PARP1: variants seen among roughly 807,000 people sequenced by gnomAD.
PARP1 encodes the protein poly [ADP-ribose] polymerase 1.
PARP1 carries 44 observed loss-of-function variants against 118.7 expected under a neutral mutation model. That is an observed-to-expected ratio of 0.37 (90% confidence interval 0.29 to 0.48). PARP1 has a LOEUF of 0.48. PARP1 is among the 20% of genes least tolerant of loss of function. The pLI is 0.99. For synonymous variants in PARP1, 492 were observed against 483.2 expected (o/e 1.02, Z -0.24); for missense variants, 1,100 against 1,272.4 (o/e 0.86, Z 2.06).
intron 1 of PARP1, 134 bp downstream of exon 1, chr1:226,407,676 C>T: frequency 1.2e-6 from 1 of 816,784 alleles, no homozygotes; most frequent in Non-Finnish European, 1.7e-6. Context: ...GCGGCCGCGG[C>T]CCCATAGGCC....
Position 226,379,600 on chromosome 1 carries a change from CT to C in PARP1, c.1584del (p.Gly529GlufsTer67). The C allele has an allele frequency of 6.2e-7, 1 of 1,613,388 alleles. No individual in the cohort carries two copies. The highest frequency in any genetic ancestry group is 8.5e-7 in the Non-Finnish European group (1 of 1,179,588). On this transcript the variant is annotated frameshift_variant, in exon 11 of 23. Transcript: ENST00000366794. LOFTEE classifies it high-confidence loss of function. ...KSEKRMKLTLKGGAAVDPDSG... is the reference protein window; with the variant it reads ...KSEKRMKLTLXGGAAVDPDSG... ...GAATCAGGATCCACAGCTGCTCCTC[CT>C]TTAAGAGTTAATTTCATTCTCTTTT...
intron 3 of PARP1, among the ~76,000 whole-genome samples, chr1:226,391,889 T>C (rs1664826299): frequency 6.6e-6 from 1 of 152,152 alleles, no homozygotes; most frequent in Middle Eastern, 3.2e-3. Context: ...TCCTTATACC[T>C]AATTCTACCA....
chr1:226,407,681 T>TA, intron 1 of PARP1, 129 bp downstream of exon 1: 1 of 899,656 alleles, frequency 1.1e-6, no homozygotes, highest in East Asian at 4.6e-5. Context: ...CGCGGCCCCA[T>TA]AGGCCCCAAG....
rs144361550 is a variant in PARP1, at chr1:226,407,702, A to AGGGCCC, written c.120+102_120+107dup. The AGGGCCC allele has an allele frequency of 0.24, 232,676 of 953,524 alleles. 38,798 individuals carry two copies. The highest frequency in any genetic ancestry group is 0.67 in the East Asian group (10,101 of 15,106). 59.1% of individuals were successfully genotyped at this position (953,524 alleles called of 1,614,324 possible). A position where few individuals can be genotyped will look rare whatever the true frequency, so the allele number is the denominator to read the frequency against. On this transcript the variant is annotated intron_variant, in intron 1 of 22. Transcript: ENST00000366794. Reference sequence around the variant, plus strand: ...CCCATAGGCCCCAAGTGCCGCTCCGAGGGCCCGGGCCCGCTCGCTCCCTGG... The same window carrying AGGGCCC: ...CCCATAGGCCCCAAGTGCCGCTCCGAGGGCCCGGGCCCGGGCCCGCTCGCTCCCTGG...
intron 6 of PARP1, 32 bp downstream of exon 6, chr1:226,386,294 T>A: frequency 7.4e-7 from 1 of 1,349,034 alleles, no homozygotes; most frequent in Non-Finnish European, 1.1e-6. Context: ...CGGCCTCACA[T>A]GCGTGTCCCA....
chr1:226,381,268 G>A (rs954585903), intron 8 of PARP1, 60 bp from the exon 9 acceptor site: 13 of 1,601,272 alleles, frequency 8.1e-6, no homozygotes, highest in Non-Finnish European at 8.6e-6. Context: ...CCCCAGTAAG[G>A]GGAGGTGGAG....
In PARP1 at chr1:226,379,247, T is replaced by A. The variant is rs766309591; in HGVS notation, c.1640A>T (p.Glu547Val). Residue 547 changes from glutamate (E) to valine (V), a missense_variant, in exon 12 of 23, where the codon GAG (glutamate) becomes GTG (valine). This residue lies in a region of PARP1 where 948 missense variants were observed against 1,031.8 expected (regional missense o/e 0.92). Coordinates refer to ENST00000366794, the MANE Select transcript of PARP1 (RefSeq NM_001618.4). ...GGCACTGAAGACCTTCCCACCTTTC[T>A]CCAGGACATGCGCAGAGTGTTCCAG... Reference protein sequence around the residue: ...SGLEHSAHVLEKGGKVFSATL... With the variant: ...SGLEHSAHVLVKGGKVFSATL... 6.8e-6 allele frequency: 11 copies of A among 1,614,256 alleles called. No homozygotes were observed. The South Asian group carries it at 1.2e-4, about 18-fold the overall frequency.
chr1:226,398,507 G>T (rs568874127), intron 2 of PARP1, among the ~76,000 whole-genome samples: 1 of 148,808 alleles, frequency 6.7e-6, no homozygotes, highest in Non-Finnish European at 1.5e-5. Flanking sequence ...TCTAGCCTGG[G>T]CGACGGAGCA....
chr1:226,361,908 A>T, intron 22 of PARP1, 61 bp downstream of exon 22: 1 of 1,003,218 alleles, frequency 1.0e-6, no homozygotes, highest in South Asian at 1.3e-5. Context: ...ACAGCACATA[A>T]GTGACTCTGT....
chr1:226,367,619 A>G lies in PARP1; in HGVS notation c.2278-11T>C. On this transcript the variant is annotated splice_polypyrimidine_tract_variant and intron_variant, in intron 16 of 22. Transcript: ENST00000366794. Reference sequence around the variant, plus strand: ...CATTTCCACCTTGGCCTGGAGGAGCAAAAGAAAGCCCCCGACTTAGGTATC... The same window carrying G: ...CATTTCCACCTTGGCCTGGAGGAGCGAAAGAAAGCCCCCGACTTAGGTATC... 1 of 1,613,982 alleles carries G rather than the reference A, an allele frequency of 6.2e-7. No individual in the cohort carries two copies.
intron 2 of PARP1, among the ~76,000 whole-genome samples, chr1:226,399,292 G>A (rs961576954): frequency 5.3e-5 from 8 of 151,854 alleles, no homozygotes; most frequent in Admixed American, 1.3e-4. Flanking sequence ...GGCTGGTCTC[G>A]AACTCCTGAC....
At chr1:226,376,065 G>C (rs576667954) in intron 13 of PARP1, among the ~76,000 whole-genome samples, 1 of 152,268 alleles carries the variant, frequency 6.6e-6, no homozygotes, top group Non-Finnish European at 1.5e-5. Flanking sequence ...AAAGTCTACT[G>C]TCTGAGCCTC....
At chr1:226,379,371 G>C in intron 11 of PARP1, 97 bp from the exon 12 acceptor site, 1 of 1,486,104 alleles carries the variant, frequency 6.7e-7, no homozygotes. Context: ...CACGCCTCTT[G>C]GATACACTAC....
chr1:226,381,056 G>T lies in PARP1; in HGVS notation c.1300+12C>A, dbSNP rs1405734779. ...GCATTGTCCCTGTTGCACAAATTCA[G>T]ATTCAACTCACTTTTGGTGCTGATG... On this transcript the variant is annotated intron_variant, in intron 9 of 22. Transcript: ENST00000366794. 1.9e-6 allele frequency: 3 copies of T among 1,613,996 alleles called. No homozygotes were observed. The highest frequency in any genetic ancestry group is 1.1e-5 in the South Asian group (1 of 91,082).
rs551031847 is a variant in PARP1, at chr1:226,361,641, A to G, written c.2964-100T>C. On this transcript the variant is annotated intron_variant, in intron 22 of 22. Coordinates refer to ENST00000366794, the MANE Select transcript of PARP1 (RefSeq NM_001618.4). ...TGGCAGGACGCTCAGTGCCAGCCTGAAAGTCACTCTAAGGCCTCTTCATGG... is the reference window on the plus strand; with the variant it reads ...TGGCAGGACGCTCAGTGCCAGCCTGGAAGTCACTCTAAGGCCTCTTCATGG... 9.0e-6 allele frequency: 8 copies of G among 885,196 alleles called. No individual in the cohort carries two copies. In the East Asian group the frequency reaches 2.0e-4, roughly 22 times the overall value. The allele number at this position is 885,196 out of a possible 1,614,324, so 54.8% of individuals were successfully genotyped here.
intron 17 of PARP1, 130 bp downstream of exon 17, chr1:226,367,350 G>A (rs1167700808): frequency 2.6e-6 from 3 of 1,136,094 alleles, no homozygotes; most frequent in Non-Finnish European, 4.0e-6. Flanking sequence ...TGTTAGAAAA[G>A]TGAATTATTG....
At chr1:226,384,903 G>A (rs924072088) in intron 7 of PARP1, among the ~76,000 whole-genome samples, 7 of 152,224 alleles carry the variant, frequency 4.6e-5, no homozygotes, top group African/African-American at 1.2e-4. Flanking sequence ...ACCTACCCAG[G>A]CTGCTGGGCC....
Position 226,361,410 on chromosome 1 carries a change from G to C in PARP1, c.*50C>G. On this transcript the variant is annotated 3_prime_UTR_variant, in exon 23 of 23. Transcript: ENST00000366794. ...AGGTGAGTTGGTGCAGAAGCGCTTC[G>C]GGTGAATTCATACCAGAGCCACCGG... 1 of 1,251,938 alleles carries C rather than the reference G, an allele frequency of 8.0e-7. No homozygotes were observed. Among genetic ancestry groups the C allele is most frequent in the Non-Finnish European group, 1.2e-6 (1 of 853,116 alleles). The allele number at this position is 1,251,938 out of a possible 1,614,324, so 77.6% of individuals were successfully genotyped here. A position where few individuals can be genotyped will look rare whatever the true frequency, so the allele number is the denominator to read the frequency against.
At chr1:226,368,373 C>A (rs1664314969) in intron 15 of PARP1, 52 bp from the exon 16 acceptor site, 1 of 1,613,110 alleles carries the variant, frequency 6.2e-7, no homozygotes. Context: ...AGCTCCAAGC[C>A]CCCGGCCAGG....
Sources: gnomAD v4.1 joint callset for allele counts (sites outside exome capture counted in the v4.1 genomes callset) on GRCh38, gnomAD v4.1.1 for gene constraint, gnomAD v4.1.1 regional missense constraint, MANE v1.5 for transcripts, NCBI Gene and HGNC (gene_info 2026-07-23, HGNC 2026-07-21) for gene names.